Variants in DSCAML1 observed in about 807,000 individuals in gnomAD.
DSCAML1 encodes the protein DS cell adhesion molecule like 1, also known as cell adhesion molecule DSCAML1.
Under a neutral mutation model 200.5 loss-of-function variants are expected in DSCAML1, and 38 were observed. The ratio of observed to expected loss-of-function variants is 0.19; its 90% CI spans 0.15 to 0.25. The LOEUF (loss-of-function observed/expected upper bound fraction) is 0.25. Among genes scored for constraint, DSCAML1 ranks in the 10% least tolerant of loss-of-function variants. DSCAML1 has a pLI of 1.00. For synonymous variants in DSCAML1, 1,215 were observed against 1,165.0 expected (o/e 1.04, Z -0.87); for missense variants, 2,223 against 2,858.8 (o/e 0.78, Z 5.07).
At chr11:117,539,135 G>T (rs767024847) in intron 3 of DSCAML1, among the ~76,000 whole-genome samples, 15 of 152,086 alleles carry the variant, frequency 9.9e-5, no homozygotes, top group Non-Finnish European at 2.2e-4. Context: ...CGGCAGTTTT[G>T]TCCCCATTTC....
intron 20 of DSCAML1, among the ~76,000 whole-genome samples, chr11:117,449,597 G>A (rs1351584951): frequency 1.3e-5 from 2 of 152,066 alleles, no homozygotes; most frequent in East Asian, 1.9e-4. Context: ...ATGGAGGGAG[G>A]AGCAGGCCTC....
intron 8 of DSCAML1, among the ~76,000 whole-genome samples, chr11:117,508,183 AAAACTCCCCTGGG>A (rs1478918592): frequency 2.1e-4 from 32 of 152,242 alleles, no homozygotes; most frequent in African/African-American, 7.2e-4. Flanking sequence ...GGCCTCCTGG[AAAACTCCCCTGGG>A]AAACTCCCCT....
intron 16 of DSCAML1, among the ~76,000 whole-genome samples, chr11:117,465,520 A>G (rs1296703784): frequency 6.6e-6 from 1 of 152,130 alleles, no homozygotes; most frequent in Non-Finnish European, 1.5e-5. Flanking sequence ...TCCTTATGTA[A>G]GACAGCTCCC....
chr11:117,582,738 T>G (rs1347548840), intron 3 of DSCAML1, among the ~76,000 whole-genome samples: 4 of 152,048 alleles, frequency 2.6e-5, no homozygotes, highest in Non-Finnish European at 5.9e-5. Context: ...TGGGCCTGAG[T>G]GCTCCTACTG....
rs574035662 is a variant in DSCAML1, at chr11:117,569,613, T to C, written c.512-37091A>G. Reference sequence around the variant, plus strand: ...ACACCAAGCCACTTCCCTCATTCTGTACTACCTTGGCTAAGGTGGTGACAC... The same window carrying C: ...ACACCAAGCCACTTCCCTCATTCTGCACTACCTTGGCTAAGGTGGTGACAC... On this transcript the variant is annotated intron_variant, in intron 3 of 32. Coordinates refer to ENST00000651296, the MANE Select transcript of DSCAML1 (RefSeq NM_020693.4). 3.9e-5 allele frequency among the ~76,000 whole-genome samples: 6 copies of C among 152,336 alleles called. 1 individual carries two copies. In the South Asian group the frequency reaches 1.2e-3, roughly 32 times the overall value.
At position 117,556,619 on chromosome 11, in the gene DSCAML1, G is replaced by A. The variant is rs184462720; in HGVS notation, c.512-24097C>T. Among the ~76,000 whole-genome samples, 621 of 152,270 alleles carry A rather than the reference G, an allele frequency of 4.1e-3. 4 individuals carry two copies. The highest frequency in any genetic ancestry group is 0.014 in the Admixed American group (213 of 15,286). On this transcript the variant is annotated intron_variant, in intron 3 of 32. Transcript: ENST00000651296. ...GATGCATCCCATGGACCTACCCTACGTGAGATACCACCTGACCCCAGGGCC... is the reference window on the plus strand; with the variant it reads ...GATGCATCCCATGGACCTACCCTACATGAGATACCACCTGACCCCAGGGCC...
At chr11:117,533,827 A>G (rs1258736814) in intron 3 of DSCAML1, among the ~76,000 whole-genome samples, 1 of 152,210 alleles carries the variant, frequency 6.6e-6, no homozygotes, top group Non-Finnish European at 1.5e-5. Context: ...GGTTTGCACT[A>G]GACTCCCTAA....
At chr11:117,559,451 C>A (rs1230851507) in intron 3 of DSCAML1, among the ~76,000 whole-genome samples, 1 of 152,240 alleles carries the variant, frequency 6.6e-6, no homozygotes, top group East Asian at 1.9e-4. Context: ...CAATATATCT[C>A]ACCTTTTTGT....
Position 117,797,123 on chromosome 11 carries a change from G to A in DSCAML1, c.-44C>T, listed in dbSNP as rs747598074. 5.7e-6 allele frequency: 9 copies of A among 1,590,252 alleles called. No homozygotes were observed. In the Admixed American group the frequency reaches 7.0e-5, roughly 12 times the overall value. ...TCTCCGGGGAGGTGGTCCTGTGGCCGGCCGTGCGGCAGCGCCTCTCCCCCG... is the reference window on the plus strand; with the variant it reads ...TCTCCGGGGAGGTGGTCCTGTGGCCAGCCGTGCGGCAGCGCCTCTCCCCCG... On this transcript the variant is annotated 5_prime_UTR_variant, in exon 1 of 33. Coordinates refer to ENST00000651296, the MANE Select transcript of DSCAML1 (RefSeq NM_020693.4).
At chr11:117,663,273 C>T (rs2052900059) in intron 3 of DSCAML1, among the ~76,000 whole-genome samples, 1 of 152,214 alleles carries the variant, frequency 6.6e-6, no homozygotes, top group Non-Finnish European at 1.5e-5. Flanking sequence ...GTCATGGCTC[C>T]ACCTGGCCCT....
intron 8 of DSCAML1, among the ~76,000 whole-genome samples, chr11:117,509,254 C>T (rs537147108): frequency 6.6e-6 from 1 of 152,240 alleles, no homozygotes; most frequent in South Asian, 2.1e-4. Flanking sequence ...GACACACATG[C>T]TTTCAAACAA....
chr11:117,626,101 C>T (rs2052038150), intron 3 of DSCAML1, among the ~76,000 whole-genome samples: 1 of 152,102 alleles, frequency 6.6e-6, no homozygotes, highest in African/African-American at 2.4e-5. Flanking sequence ...GAGCTGAGCT[C>T]TGGGTACAGG....
At chr11:117,543,726 T>A (rs2137372874) in intron 3 of DSCAML1, among the ~76,000 whole-genome samples, 1 of 152,192 alleles carries the variant, frequency 6.6e-6, no homozygotes, top group African/African-American at 2.4e-5. Context: ...GTTCGTGGAG[T>A]TCTTCTGTGG....
intron 3 of DSCAML1, among the ~76,000 whole-genome samples, chr11:117,609,740 GATTTTT>G (rs899494007): frequency 2.6e-5 from 4 of 152,178 alleles, no homozygotes; most frequent in African/African-American, 7.2e-5. Flanking sequence ...ATATTTTAAG[GATTTTT>G]ATTTTTATCT....
In DSCAML1 at chr11:117,577,458, TTTCCTTCCTTCCTTCC is replaced by T. The variant is rs1182143268; in HGVS notation, c.512-44952_512-44937del. ...CTTCTTTCCTTCCTTCCTTCCTTCC[TTTCCTTCCTTCCTTCC>T]TTCCTTCCTTCCTTCCTTCCTTCCT... On this transcript the variant is annotated intron_variant, in intron 3 of 32. Coordinates refer to ENST00000651296, the MANE Select transcript of DSCAML1 (RefSeq NM_020693.4). Among the ~76,000 whole-genome samples the T allele has an allele frequency of 2.8e-4, 16 of 57,358 alleles. No homozygotes were observed. In the South Asian group the frequency reaches 3.0e-3, roughly 11 times the overall value. The allele number at this position is 57,358 out of a possible 152,430, so 37.6% of individuals were successfully genotyped here.
chr11:117,587,711 A>C (rs568960434), intron 3 of DSCAML1, among the ~76,000 whole-genome samples: 3 of 152,154 alleles, frequency 2.0e-5, no homozygotes, highest in Non-Finnish European at 4.4e-5. Context: ...AAGGGATGGA[A>C]AGTGTGACTT....
intron 3 of DSCAML1, among the ~76,000 whole-genome samples, chr11:117,680,919 G>C (rs903497357): frequency 6.6e-6 from 1 of 152,202 alleles, no homozygotes; most frequent in Non-Finnish European, 1.5e-5. Flanking sequence ...GAAGCACAGA[G>C]CCTGACGAGG....
chr11:117,647,549 A>G (rs552440814), intron 3 of DSCAML1, among the ~76,000 whole-genome samples: 2 of 152,302 alleles, frequency 1.3e-5, no homozygotes, highest in South Asian at 4.2e-4. Flanking sequence ...AACTGGTGCC[A>G]CTCCAGGCTG....
intron 3 of DSCAML1, among the ~76,000 whole-genome samples, chr11:117,545,730 G>A (rs963261963): frequency 4.6e-5 from 7 of 152,174 alleles, no homozygotes; most frequent in African/African-American, 1.7e-4. Flanking sequence ...GGAAGCTGAA[G>A]GCATCATCCA....
Sources: gnomAD v4.1 joint callset for allele counts (sites outside exome capture counted in the v4.1 genomes callset) on GRCh38, gnomAD v4.1.1 for gene constraint, MANE v1.5 for transcripts, NCBI Gene and HGNC (gene_info 2026-07-23, HGNC 2026-07-21) for gene names.